Variants in MBNL2 observed in about 807,000 individuals in gnomAD.
The protein encoded by MBNL2 is muscleblind-like protein 2.
A neutral mutation model predicts 41.9 loss-of-function variants in MBNL2; 17 were observed. The observed-to-expected ratio is 0.41, with a 90% CI of 0.28 to 0.61. The LOEUF (loss-of-function observed/expected upper bound fraction) is 0.61, where lower values mean the gene tolerates loss of function less well. Among genes scored for constraint, MBNL2 ranks in the 20% least tolerant of loss-of-function variants. MBNL2 has a pLI of 0.35. For missense variants in MBNL2, 336 were observed against 505.6 expected (o/e 0.66, Z 3.22); for synonymous variants, 195 against 182.9 (o/e 1.07, Z -0.53).
intron 8 of MBNL2, among the ~76,000 whole-genome samples, chr13:97,376,739 C>G (rs1010634441): frequency 6.6e-6 from 1 of 152,108 alleles, no homozygotes; most frequent in Admixed American, 6.5e-5. Flanking sequence ...GACTTGAGAC[C>G]AGCATCAATT....
chr13:97,195,069 G>A, the MBNL2 span, among the ~76,000 whole-genome samples: 1 of 151,620 alleles, frequency 6.6e-6, no homozygotes. Flanking sequence ...CTATGAACTC[G>A]CCTCGAATTC....
At chr13:97,154,634 G>C in the MBNL2 span, among the ~76,000 whole-genome samples, 3 of 152,102 alleles carry the variant, frequency 2.0e-5, no homozygotes, top group Non-Finnish European at 4.4e-5. Context: ...TTAGCAACAG[G>C]AGTACAAAAG....
intron 2 of MBNL2, among the ~76,000 whole-genome samples, chr13:97,297,388 T>C (rs2057160522): frequency 6.6e-6 from 1 of 152,094 alleles, no homozygotes; most frequent in Admixed American, 6.5e-5. Flanking sequence ...TATGGTAAGA[T>C]CTATGGCATG....
chr13:97,281,181 C>T (rs1028858654), intron 2 of MBNL2, among the ~76,000 whole-genome samples: 1 of 152,156 alleles, frequency 6.6e-6, no homozygotes, highest in African/African-American at 2.4e-5. Context: ...GTTTTCAAGC[C>T]TCTCAGATAG....
In MBNL2 at chr13:97,366,857, G is replaced by A. The variant is rs1055878199; in HGVS notation, c.1048+1686G>A. ...ATTACCTATCCAGTGGTTTGTGAAT[G>A]GCCACATAAAAATTGTAGACGCGCA... On this transcript the variant is annotated intron_variant, in intron 8 of 8. Coordinates refer to ENST00000679496, the MANE Select transcript of MBNL2 (RefSeq NM_001382683.1). The surrounding 1 kb of genome is among the most constrained non-coding windows in gnomAD (Gnocchi z 4.7). Among the ~76,000 whole-genome samples the A allele has an allele frequency of 6.6e-6, 1 of 152,006 alleles. No individual in the cohort carries two copies. Among genetic ancestry groups the A allele is most frequent in the Non-Finnish European group, 1.5e-5 (1 of 67,994 alleles).
chr13:97,364,704 A>G (rs1401188065), intron 7 of MBNL2, among the ~76,000 whole-genome samples: 1 of 152,178 alleles, frequency 6.6e-6, no homozygotes, highest in Non-Finnish European at 1.5e-5. Context: ...AGAGAATTCT[A>G]TTTCTAGCCT....
At chr13:97,237,453 C>A (rs1399253551) in intron 1 of MBNL2, among the ~76,000 whole-genome samples, 1 of 152,194 alleles carries the variant, frequency 6.6e-6, no homozygotes, top group Admixed American at 6.5e-5. Flanking sequence ...CCTTTCCCCT[C>A]ATGGAATTTA....
the MBNL2 span, among the ~76,000 whole-genome samples, chr13:97,196,303 A>C: frequency 6.6e-6 from 1 of 152,156 alleles, no homozygotes; most frequent in Non-Finnish European, 1.5e-5. Context: ...AGTATCCTGG[A>C]AGGTATTCTA....
the MBNL2 span, among the ~76,000 whole-genome samples, chr13:97,152,305 G>A: frequency 1.2e-3 from 183 of 152,166 alleles, no homozygotes; most frequent in Non-Finnish European, 2.0e-3. Flanking sequence ...TTAAAATGTG[G>A]TGTTAATCCA....
At chr13:97,192,784 C>T in the MBNL2 span, among the ~76,000 whole-genome samples, 1 of 152,242 alleles carries the variant, frequency 6.6e-6, no homozygotes, top group Non-Finnish European at 1.5e-5. Context: ...CTCAAACAAG[C>T]AGCTCAGCTG....
chr13:97,154,977 C>T, the MBNL2 span, among the ~76,000 whole-genome samples: 1 of 152,046 alleles, frequency 6.6e-6, no homozygotes, highest in African/African-American at 2.4e-5. Flanking sequence ...GATTAAAAAA[C>T]CTTTTGGACA....
At chr13:97,388,621 G>A (rs953769580) in intron 8 of MBNL2, among the ~76,000 whole-genome samples, 2 of 151,898 alleles carry the variant, frequency 1.3e-5, no homozygotes, top group Admixed American at 6.6e-5. Context: ...TGGGACTCTC[G>A]GGCCTGTAAG....
intron 1 of MBNL2, among the ~76,000 whole-genome samples, chr13:97,250,712 T>A (rs1454594609): frequency 1.3e-5 from 2 of 152,214 alleles, no homozygotes; most frequent in African/African-American, 4.8e-5. Flanking sequence ...GGCTTGTTTT[T>A]ATTTAAGACA....
chr13:97,333,143 A>T (rs1248979616), intron 2 of MBNL2, among the ~76,000 whole-genome samples: 1 of 152,210 alleles, frequency 6.6e-6, no homozygotes, highest in African/African-American at 2.4e-5. Flanking sequence ...AATTATTTTT[A>T]TATCTGGTAA....
chr13:97,257,133 A>C (rs553332702), intron 1 of MBNL2, among the ~76,000 whole-genome samples: 1 of 152,270 alleles, frequency 6.6e-6, no homozygotes, highest in Admixed American at 6.5e-5. Flanking sequence ...CATACCAGTA[A>C]AAGGTATTAT....
chr13:97,361,591 G>C lies in MBNL2; in HGVS notation c.1013-3545G>C, dbSNP rs190756843. On this transcript the variant is annotated intron_variant, in intron 7 of 8. Coordinates refer to ENST00000679496, the MANE Select transcript of MBNL2 (RefSeq NM_001382683.1). ...GGTTAAGGATTTCAGCCACATCCAG[G>C]ACTGAAGCCAAAGTAACATGACTGA... 1.6e-3 allele frequency among the ~76,000 whole-genome samples: 246 copies of C among 152,064 alleles called. 2 individuals carry two copies. Among genetic ancestry groups the C allele is most frequent in the African/African-American group, 5.8e-3 (242 of 41,472 alleles).
intron 8 of MBNL2, among the ~76,000 whole-genome samples, chr13:97,377,974 G>C (rs2065108883): frequency 6.6e-6 from 1 of 152,132 alleles, no homozygotes; most frequent in Non-Finnish European, 1.5e-5. Context: ...TGAAGGCTTG[G>C]AGCTTGAAAG....
intron 3 of MBNL2, among the ~76,000 whole-genome samples, chr13:97,336,871 A>G (rs752501000): frequency 1.3e-5 from 2 of 152,220 alleles, no homozygotes; most frequent in African/African-American, 2.4e-5. Context: ...GTATCATTCC[A>G]TTTTAGGTCT....
At chr13:97,198,847 C>T in the MBNL2 span, among the ~76,000 whole-genome samples, 3 of 152,124 alleles carry the variant, frequency 2.0e-5, no homozygotes, top group Non-Finnish European at 4.4e-5. Context: ...CAATCCAAGC[C>T]AGTACTGTCT....
Sources: allele counts gnomAD v4.1 joint callset (sites outside exome capture counted in the v4.1 genomes callset), GRCh38; gene constraint gnomAD v4.1.1; non-coding constraint Gnocchi (gnomAD v3.1); transcripts MANE v1.5; gene names NCBI Gene and HGNC (gene_info 2026-07-23, HGNC 2026-07-21).